The following FANCE variants were observed in gnomAD, a reference collection of about 807,000 sequenced individuals.
FANCE encodes FA complementation group E.
A neutral mutation model predicts 57.8 loss-of-function variants in FANCE; 42 were observed. The observed-to-expected ratio is 0.73, with a 90% CI of 0.57 to 0.94. The LOEUF is 0.94. FANCE is among the 40% of genes least tolerant of loss of function. The pLI is 0.00. For synonymous variants in FANCE, 251 were observed against 286.4 expected, an observed-to-expected ratio of 0.88 and a Z score of 1.25; for missense variants, 608 against 661.8, an observed-to-expected ratio of 0.92 and a Z score of 0.89.
intron 9 of FANCE, 101 bp from the exon 10 acceptor site, chr6:35,466,143 A>G: frequency 1.2e-6 from 1 of 803,094 alleles, no homozygotes; most frequent in South Asian, 1.4e-5. Flanking sequence ...TCCTCTTTCC[A>G]TCCTCCTGGC....
intron 9 of FANCE, 124 bp downstream of exon 9, chr6:35,463,038 C>T (rs544291117): frequency 5.1e-5 from 69 of 1,348,152 alleles, no homozygotes; most frequent in African/African-American, 4.6e-4. Context: ...CGGTGGCTCA[C>T]GCCTGTAATC....
intron 6 of FANCE, 108 bp downstream of exon 6, chr6:35,459,562 G>A (rs964010899): frequency 2.5e-6 from 4 of 1,585,808 alleles, no homozygotes; most frequent in Non-Finnish European, 2.6e-6. Context: ...GATTAAAGAT[G>A]CCTGCTGCTT....
Position 35,457,600 on chromosome 6 carries a change from G to C in FANCE, c.900G>C (p.Glu300Asp). The change falls in exon 3 of 10, where the codon GAG (glutamate) becomes GAC (aspartate). Residue 300 changes from glutamate (E) to aspartate (D), a missense_variant and splice_region_variant. Glu to Asp is a conservative substitution (Grantham distance 45). Coordinates refer to ENST00000229769, the MANE Select transcript of FANCE (RefSeq NM_021922.3). Reference protein sequence around the residue: ...RLQQLLKTLEEGLEGLEDAPP... With the variant: ...RLQQLLKTLEDGLEGLEDAPP... ...AGCAGCTGCTGAAGACCTTGGAGGA[G>C]GTGACTGGCCCCACAGTGCTCACCA... 1 of 1,613,854 alleles carries C rather than the reference G, an allele frequency of 6.2e-7. No individual in the cohort carries two copies. The highest frequency in any genetic ancestry group is 8.5e-7 in the Non-Finnish European group (1 of 1,179,984).
At position 35,456,399 on chromosome 6, in the gene FANCE, G is replaced by T. The variant is rs1398158175; in HGVS notation, c.855+46G>T. The T allele has an allele frequency of 1.9e-6, 3 of 1,613,746 alleles. No individual in the cohort carries two copies. The Admixed American group carries it at 5.0e-5, about 27-fold the overall frequency. ...GGTTTAGAGTGATCTTTCAGCAGTG[G>T]TGGCTTTATCCATGGGGAAGGCTGC... is the stretch of plus-strand genomic sequence containing the variant. On this transcript the variant is annotated intron_variant, in intron 2 of 9. Transcript: ENST00000229769. The surrounding 1 kb of genome is among the most constrained non-coding windows in gnomAD (Gnocchi z 4.3).
intron 1 of FANCE, among the ~76,000 whole-genome samples, chr6:35,455,272 TC>T (rs1414123612): frequency 2.6e-5 from 4 of 152,160 alleles, no homozygotes; most frequent in Admixed American, 2.6e-4. Context: ...ACAGTTCTCA[TC>T]TTTCATGTTG....
In FANCE at chr6:35,458,442, T is replaced by C; in HGVS notation, c.1113+2T>C. 2 of 1,613,824 alleles carry C rather than the reference T, an allele frequency of 1.2e-6. No homozygotes were observed. Among genetic ancestry groups the C allele is most frequent in the Non-Finnish European group, 1.7e-6 (2 of 1,179,950 alleles). On this transcript the variant is annotated splice_donor_variant, in intron 5 of 9. Transcript: ENST00000229769. LOFTEE classifies it high-confidence loss of function. ...ACCAGAAGCCTCTTTCTTGGACGGG[T>C]AGGTGTATTGGGAGGTACTCAGAGT... is the stretch of plus-strand genomic sequence containing the variant.
chr6:35,460,427 C>T (rs569935100), intron 7 of FANCE, 125 bp from the exon 8 acceptor site: 1 of 944,036 alleles, frequency 1.1e-6, no homozygotes, highest in South Asian at 1.3e-5. Context: ...CTGACTACCC[C>T]TTTGTTGGCT....
chr6:35,453,138 A>C (rs1027778106), intron 1 of FANCE, among the ~76,000 whole-genome samples: 1 of 152,232 alleles, frequency 6.6e-6, no homozygotes, highest in East Asian at 1.9e-4. Context: ...AAAGTACAAA[A>C]ATAGATACTT....
chr6:35,456,268 T>C lies in FANCE; in HGVS notation c.770T>C (p.Met257Thr), dbSNP rs1179431293. The change falls in exon 2 of 10, where the codon ATG becomes ACG. Residue 257 changes from methionine to threonine, a missense_variant. Transcript: ENST00000229769. This position sits in a 1 kb window ranked among gnomAD's most constrained non-coding sequence, Gnocchi z 4.3. ...TCTCCTATTAAGGACCAGCCTGTCA[T>C]GGCAGTTAAGACTGGCGAGGACGGT... is the stretch of plus-strand genomic sequence containing the variant. ...SASPIKDQPV[M>T]AVKTGEDGSN... 6.2e-7 allele frequency: 1 copy of C among 1,614,196 alleles called. No homozygotes were observed. Among genetic ancestry groups the C allele is most frequent in the Non-Finnish European group, 8.5e-7 (1 of 1,180,032 alleles).
In FANCE at chr6:35,455,003, C is replaced by A. The variant is rs1035381359; in HGVS notation, c.249-744C>A. On this transcript the variant is annotated intron_variant, in intron 1 of 9. Coordinates refer to ENST00000229769, the MANE Select transcript of FANCE (RefSeq NM_021922.3). ...AACTCACAATTTGGTGAAAGGAACA[C>A]AAGAGCTGGACAGATGACTGACCCC... Among the ~76,000 whole-genome samples, 77 of 152,250 alleles carry A rather than the reference C, an allele frequency of 5.1e-4. 2 individuals carry two copies. The highest frequency in any genetic ancestry group is 1.6e-4 in the Non-Finnish European group (11 of 68,046).
chr6:35,464,993 C>T (rs1016975084), intron 9 of FANCE, among the ~76,000 whole-genome samples: 1 of 151,924 alleles, frequency 6.6e-6, no homozygotes, highest in Non-Finnish European at 1.5e-5. Flanking sequence ...CTCAGCCTCC[C>T]AAAGTGCTGG....
chr6:35,454,791 AAAG>A (rs1767259823), intron 1 of FANCE, among the ~76,000 whole-genome samples: 1 of 152,252 alleles, frequency 6.6e-6, no homozygotes, highest in Non-Finnish European at 1.5e-5. Context: ...TGGAATCTGT[AAAG>A]TGATTCCTTC....
chr6:35,456,140 G>A lies in FANCE; in HGVS notation c.642G>A (p.Lys214=), dbSNP rs144766038. Reference sequence around the variant, plus strand: ...AAGAGGCTGCCAGTCCTGAGGGGAAGAGGGTCCCCAAAAGATTACGGTGTT... The same window carrying A: ...AAGAGGCTGCCAGTCCTGAGGGGAAAAGGGTCCCCAAAAGATTACGGTGTT... The part of the protein sequence containing the change: ...SEEEAASPEG[K]RVPKRLRCWE... Residue 214 remains lysine (K), a synonymous_variant, in exon 2 of 10, where the codon AAG becomes AAA. Transcript: ENST00000229769. The surrounding 1 kb of genome is among the most constrained non-coding windows in gnomAD (Gnocchi z 4.3). 3 of 1,614,140 alleles carry A rather than the reference G, an allele frequency of 1.9e-6. No homozygotes were observed. The African/African-American group carries it at 4.0e-5, about 22-fold the overall frequency.
intron 1 of FANCE, among the ~76,000 whole-genome samples, chr6:35,453,708 T>C (rs1208634511): frequency 4.6e-5 from 7 of 152,174 alleles, no homozygotes; most frequent in Non-Finnish European, 8.8e-5. Context: ...AGTTCCAATA[T>C]TTTCTTCCTA....
chr6:35,462,679 C>A (rs1767639199), intron 8 of FANCE, 110 bp from the exon 9 acceptor site: 4 of 1,472,686 alleles, frequency 2.7e-6, no homozygotes, highest in Non-Finnish European at 3.7e-6. Flanking sequence ...GTTACCTGCC[C>A]AGGGTCACCT....
chr6:35,466,473 A>G lies in FANCE; in HGVS notation c.*128A>G. The G allele has an allele frequency of 4.1e-6, 3 of 735,536 alleles. No homozygotes were observed. Among genetic ancestry groups the G allele is most frequent in the South Asian group, 1.5e-5 (1 of 68,882 alleles). 45.6% of individuals were successfully genotyped at this position (735,536 alleles called of 1,614,324 possible). A position where few individuals can be genotyped will look rare whatever the true frequency, so the allele number is the denominator to read the frequency against. On this transcript the variant is annotated 3_prime_UTR_variant, in exon 10 of 10. Transcript: ENST00000229769. ...CTGAGCCTGGCCATCCCAGATTGCAACTGCCTCCCTGTTACAGGCTGCATA... is the reference window on the plus strand; with the variant it reads ...CTGAGCCTGGCCATCCCAGATTGCAGCTGCCTCCCTGTTACAGGCTGCATA...
chr6:35,466,290 A>C lies in FANCE; in HGVS notation c.1556A>C (p.Asn519Thr), dbSNP rs373712711. Reference protein sequence around the residue: ...RLGLAMALEPNTTFLRKSLKA... With the variant: ...RLGLAMALEPTTTFLRKSLKA... The stretch of plus-strand genomic sequence containing the variant: ...GGCCTGGCTATGGCCCTAGAACCTA[A>C]CACCACCTTCCTGAGGAAGTCCCTG... The change falls in exon 10 of 10, where the codon AAC (asparagine) becomes ACC (threonine). Residue 519 changes from asparagine to threonine, a missense_variant. By Grantham distance (65) the Asn-to-Thr change is moderately conservative. Coordinates refer to ENST00000229769, the MANE Select transcript of FANCE (RefSeq NM_021922.3). The C allele has an allele frequency of 6.2e-6, 10 of 1,614,066 alleles. No homozygotes were observed. Among genetic ancestry groups the C allele is most frequent in the East Asian group, 2.2e-5 (1 of 44,886 alleles).
intron 6 of FANCE, 99 bp downstream of exon 6, chr6:35,459,553 A>AT: frequency 6.3e-7 from 1 of 1,594,350 alleles, no homozygotes; most frequent in Non-Finnish European, 8.6e-7. Flanking sequence ...GTATTCAGTG[A>AT]TTAAAGATGC....
intron 8 of FANCE, 84 bp from the exon 9 acceptor site, chr6:35,462,705 G>A: frequency 6.3e-7 from 1 of 1,586,518 alleles, no homozygotes; most frequent in East Asian, 2.2e-5. Context: ...GGAAGTGGTG[G>A]AGTTGGGAAT....
Sources: gnomAD v4.1 joint callset for allele counts (sites outside exome capture counted in the v4.1 genomes callset) on GRCh38, gnomAD v4.1.1 for gene constraint, Gnocchi (gnomAD v3.1) non-coding constraint, MANE v1.5 for transcripts, NCBI Gene and HGNC (gene_info 2026-07-23, HGNC 2026-07-21) for gene names.